Variants in TACR1 observed in about 807,000 individuals in gnomAD.
The protein encoded by TACR1 is tachykinin receptor 1.
TACR1 carries 25 observed loss-of-function variants against 35.8 expected under a neutral mutation model. The ratio of observed to expected loss-of-function variants is 0.70; its 90% CI spans 0.51 to 0.98. TACR1 has a LOEUF of 0.98. Among genes scored for constraint, TACR1 ranks in the 50% least tolerant of loss-of-function variants. The pLI is 0.00. For missense variants in TACR1, 478 were observed against 522.9 expected, an observed-to-expected ratio of 0.91 and a Z score of 0.84; for synonymous variants, 195 against 206.7, an observed-to-expected ratio of 0.94 and a Z score of 0.48.
chr2:75,106,594 A>C (rs1483568226), intron 2 of TACR1, among the ~76,000 whole-genome samples: 5 of 152,150 alleles, frequency 3.3e-5, no homozygotes, highest in South Asian at 4.1e-4. Flanking sequence ...ATGAGAATAG[A>C]AAGTGACAAA....
intron 1 of TACR1, among the ~76,000 whole-genome samples, chr2:75,183,054 A>G (rs890048565): frequency 2.0e-5 from 3 of 152,222 alleles, no homozygotes; most frequent in African/African-American, 4.8e-5. Flanking sequence ...AATCTCAGGT[A>G]TATATGATGT....
At chr2:75,075,920 G>T (rs1672966626) in intron 2 of TACR1, among the ~76,000 whole-genome samples, 1 of 152,128 alleles carries the variant, frequency 6.6e-6, no homozygotes, top group Non-Finnish European at 1.5e-5. Flanking sequence ...TCACCATAAA[G>T]CTATAACTTG....
intron 2 of TACR1, among the ~76,000 whole-genome samples, chr2:75,094,859 ATTTTT>A (rs58283121): frequency 1.8e-5 from 2 of 113,106 alleles, no homozygotes; most frequent in African/African-American, 4.8e-5. Flanking sequence ...ATATATATAT[ATTTTT>A]TTTTTTTTTG....
chr2:75,130,943 G>A (rs1325713750), intron 1 of TACR1, among the ~76,000 whole-genome samples: 1 of 152,130 alleles, frequency 6.6e-6, no homozygotes, highest in Non-Finnish European at 1.5e-5. Flanking sequence ...TGTTTCTTGT[G>A]CATGTACAAA....
intron 2 of TACR1, among the ~76,000 whole-genome samples, chr2:75,115,945 A>G (rs1240954634): frequency 3.3e-5 from 5 of 150,682 alleles, no homozygotes; most frequent in Admixed American, 2.0e-4. Flanking sequence ...CTCTTTATGA[A>G]TAATATGGAA....
chr2:75,148,137 G>C (rs556618643), intron 1 of TACR1, among the ~76,000 whole-genome samples: 14 of 152,230 alleles, frequency 9.2e-5, no homozygotes, highest in Middle Eastern at 3.4e-3. Context: ...CATTTGGGTT[G>C]GTTCCATGTC....
At chr2:75,105,944 G>A (rs1034542489) in intron 2 of TACR1, among the ~76,000 whole-genome samples, 14 of 152,064 alleles carry the variant, frequency 9.2e-5, no homozygotes, top group South Asian at 4.2e-4. Flanking sequence ...GTAATGTGGC[G>A]TCCCGGATGG....
At chr2:75,196,788 G>A (rs72920696) in intron 1 of TACR1, among the ~76,000 whole-genome samples, 3,255 of 152,236 alleles carry the variant, frequency 0.021, 123 homozygotes, top group African/African-American at 0.075. Context: ...CTGACTGACA[G>A]GTCTTCCTAG....
chr2:75,059,805 C>T (rs956884153), intron 2 of TACR1, among the ~76,000 whole-genome samples: 5 of 152,188 alleles, frequency 3.3e-5, no homozygotes, highest in Non-Finnish European at 5.9e-5. Context: ...ACAAGCTGAG[C>T]AGCCTCGTTC....
chr2:75,151,408 C>T (rs975232096), intron 1 of TACR1, among the ~76,000 whole-genome samples: 5 of 152,236 alleles, frequency 3.3e-5, no homozygotes, highest in Non-Finnish European at 5.9e-5. Flanking sequence ...GCCACTCCAG[C>T]TGTGGCTGAA....
intron 3 of TACR1, among the ~76,000 whole-genome samples, chr2:75,053,205 C>T (rs1190546178): frequency 2.0e-5 from 3 of 152,194 alleles, no homozygotes; most frequent in Non-Finnish European, 4.4e-5. Context: ...CAAACACTGA[C>T]TCCTGGAAAC....
intron 1 of TACR1, among the ~76,000 whole-genome samples, chr2:75,145,737 T>C (rs1011466967): frequency 6.6e-6 from 1 of 152,228 alleles, no homozygotes. Flanking sequence ...AAAGAAGCAT[T>C]ACATGCTGCT....
chr2:75,123,300 A>G (rs746246257), intron 1 of TACR1, among the ~76,000 whole-genome samples: 41 of 152,146 alleles, frequency 2.7e-4, no homozygotes, highest in South Asian at 2.1e-4. Context: ...CCCTCTTTTA[A>G]TATTACCTCA....
At chr2:75,099,857 G>C (rs947738415) in intron 2 of TACR1, among the ~76,000 whole-genome samples, 1 of 152,090 alleles carries the variant, frequency 6.6e-6, no homozygotes, top group East Asian at 1.9e-4. Context: ...ATCCATCTAT[G>C]AGCTTATGAC....
chr2:75,167,532 A>G (rs1488890252), intron 1 of TACR1, among the ~76,000 whole-genome samples: 2 of 152,258 alleles, frequency 1.3e-5, no homozygotes, highest in Admixed American at 1.3e-4. Context: ...GTACCATGAC[A>G]TTATAAATTT....
intron 2 of TACR1, among the ~76,000 whole-genome samples, chr2:75,055,437 C>G (rs977215632): frequency 1.3e-5 from 2 of 152,226 alleles, no homozygotes; most frequent in Non-Finnish European, 2.9e-5. Flanking sequence ...GCTCTCCAAC[C>G]ACTATGGCAG....
At chr2:75,107,466 C>T (rs1673672073) in intron 2 of TACR1, among the ~76,000 whole-genome samples, 3 of 151,156 alleles carry the variant, frequency 2.0e-5, no homozygotes. Flanking sequence ...ATGCCATAGT[C>T]TGTTTTGCAT....
intron 2 of TACR1, among the ~76,000 whole-genome samples, chr2:75,098,698 C>T (rs1157831187): frequency 2.0e-5 from 3 of 152,140 alleles, no homozygotes; most frequent in Admixed American, 1.3e-4. Flanking sequence ...AGTGGATTCT[C>T]ATCCCCCAAC....
At chr2:75,124,006 C>A (rs73935542) in intron 1 of TACR1, among the ~76,000 whole-genome samples, 2 of 152,142 alleles carry the variant, frequency 1.3e-5, no homozygotes, top group Admixed American at 1.3e-4. Flanking sequence ...GCACCGTGCT[C>A]GTGGGACTCT....
Sources: allele counts gnomAD v4.1 joint callset (sites outside exome capture counted in the v4.1 genomes callset), GRCh38; gene constraint gnomAD v4.1.1; transcripts MANE v1.5; gene names NCBI Gene and HGNC (gene_info 2026-07-23, HGNC 2026-07-21).